PTGFRN: variants seen among roughly 807,000 people sequenced by gnomAD.
PTGFRN encodes the protein prostaglandin F2 receptor negative regulator.
A neutral mutation model predicts 83.2 loss-of-function variants in PTGFRN; 35 were observed. That is an observed-to-expected ratio of 0.42 (90% CI 0.32 to 0.56). The LOEUF is 0.56. PTGFRN is among the 20% of genes least tolerant of loss of function. The pLI is 0.11. For missense variants in PTGFRN, 1,051 were observed against 1,179.5 expected, an observed-to-expected ratio of 0.89 and a Z score of 1.60; for synonymous variants, 519 against 498.6, an observed-to-expected ratio of 1.04 and a Z score of -0.55.
chr1:116,985,143 C>A (rs1027281976), intron 8 of PTGFRN, among the ~76,000 whole-genome samples, 158 bp downstream of exon 8: 2 of 152,238 alleles, frequency 1.3e-5, no homozygotes, highest in African/African-American at 4.8e-5. Flanking sequence ...AGAAGGGCAC[C>A]AGCAGCCCTT....
intron 7 of PTGFRN, among the ~76,000 whole-genome samples, chr1:116,981,172 A>G (rs1651308222): frequency 1.3e-5 from 2 of 152,102 alleles, no homozygotes; most frequent in African/African-American, 4.8e-5. Flanking sequence ...TTTGACCCTT[A>G]AGACTTGAAA....
At chr1:116,977,855 A>G (rs1433591540) in intron 7 of PTGFRN, among the ~76,000 whole-genome samples, 1 of 152,272 alleles carries the variant, frequency 6.6e-6, no homozygotes, top group African/African-American at 2.4e-5. Flanking sequence ...AGCAGAAGGC[A>G]AGAAATAACT....
chr1:116,948,625 A>C (rs527664907), intron 3 of PTGFRN, among the ~76,000 whole-genome samples: 1 of 152,300 alleles, frequency 6.6e-6, no homozygotes, highest in Non-Finnish European at 1.5e-5. Context: ...CTTATTGCCT[A>C]GCCCCCAGCT....
chr1:116,954,502 T>G (rs999331199), intron 4 of PTGFRN, among the ~76,000 whole-genome samples: 1 of 152,256 alleles, frequency 6.6e-6, no homozygotes, highest in African/African-American at 2.4e-5. Flanking sequence ...TTCTAACTGG[T>G]GCATGCAGCC....
intron 2 of PTGFRN, among the ~76,000 whole-genome samples, chr1:116,943,313 A>G (rs769461987): frequency 2.0e-5 from 3 of 152,200 alleles, no homozygotes; most frequent in African/African-American, 2.4e-5. Flanking sequence ...CTTGTATTGG[A>G]GCTAAATATT....
At chr1:116,969,802 G>A (rs1650940415) in intron 6 of PTGFRN, among the ~76,000 whole-genome samples, 1 of 152,038 alleles carries the variant, frequency 6.6e-6, no homozygotes, top group African/African-American at 2.4e-5. Flanking sequence ...TACAGATCTT[G>A]TTTCTTTTGT....
At chr1:116,986,499 T>G (rs1303257022) in intron 8 of PTGFRN, among the ~76,000 whole-genome samples, 1 of 152,208 alleles carries the variant, frequency 6.6e-6, no homozygotes, top group African/African-American at 2.4e-5. Flanking sequence ...ATACTGACTT[T>G]TAAAAATCAA....
At position 116,961,293 on chromosome 1, in the gene PTGFRN, G is replaced by A. The variant is rs779225951; in HGVS notation, c.1264G>A (p.Asp422Asn). The A allele has an allele frequency of 6.5e-7, 1 of 1,538,914 alleles. No homozygotes were observed. The highest frequency in any genetic ancestry group is 1.3e-5 in the South Asian group (1 of 77,700). ...TGCTTCCAAGGTCCCCGGGTTTGCGGATGACCCCACAGAGCTGGCATGCCG... is the reference window on the plus strand; with the variant it reads ...TGCTTCCAAGGTCCCCGGGTTTGCGAATGACCCCACAGAGCTGGCATGCCG... ...LNASKVPGFADDPTELACRVV... is the reference protein window; with the variant it reads ...LNASKVPGFANDPTELACRVV... Residue 422 changes from aspartate (D) to asparagine (N), a missense_variant, in exon 5 of 9, where the codon GAT becomes AAT. Coordinates refer to ENST00000393203, the MANE Select transcript of PTGFRN (RefSeq NM_020440.4). The surrounding 1 kb of genome is among the most constrained non-coding windows in gnomAD (Gnocchi z 5.4).
At chr1:116,968,578 A>G (rs1374877072) in intron 6 of PTGFRN, among the ~76,000 whole-genome samples, 3 of 152,124 alleles carry the variant, frequency 2.0e-5, no homozygotes, top group African/African-American at 4.8e-5. Context: ...AAAATTTACT[A>G]TATATAGAGT....
At position 116,984,847 on chromosome 1, in the gene PTGFRN, C is replaced by T. The variant is rs750617676; in HGVS notation, c.2335C>T (p.Gln779Ter). The T allele has an allele frequency of 6.2e-7, 1 of 1,614,108 alleles. No individual in the cohort carries two copies. The highest frequency in any genetic ancestry group is 1.1e-5 in the South Asian group (1 of 91,082). The change falls in exon 8 of 9, where the codon CAA becomes TAA. Residue 779 changes from glutamine (Q) to a stop codon, truncating the protein, a stop_gained. Coordinates refer to ENST00000393203, the MANE Select transcript of PTGFRN (RefSeq NM_020440.4). LOFTEE classifies it high-confidence loss of function. ...ERVSVLEFLLQVHGSEDQDFG... is the reference protein window; with the variant it reads ...ERVSVLEFLL Reference sequence around the variant, plus strand: ...CGTGAGTGTGCTGGAATTCTTGCTGCAAGTGCATGGCTCCGAGGACCAGGA... The same window carrying T: ...CGTGAGTGTGCTGGAATTCTTGCTGTAAGTGCATGGCTCCGAGGACCAGGA...
intron 6 of PTGFRN, among the ~76,000 whole-genome samples, chr1:116,974,003 TG>T (rs1440789922): frequency 6.6e-6 from 1 of 152,214 alleles, no homozygotes; most frequent in Non-Finnish European, 1.5e-5. Context: ...AGTTCTATTT[TG>T]GTTGTAATCT....
chr1:116,924,357 G>A (rs1300286216), intron 1 of PTGFRN, among the ~76,000 whole-genome samples: 1 of 151,830 alleles, frequency 6.6e-6, no homozygotes, highest in African/African-American at 2.4e-5. Flanking sequence ...ATCTTGGCCA[G>A]GCTGGTCTTG....
At chr1:116,913,908 G>A (rs1649336686) in intron 1 of PTGFRN, among the ~76,000 whole-genome samples, 1 of 152,114 alleles carries the variant, frequency 6.6e-6, no homozygotes, top group African/African-American at 2.4e-5. Flanking sequence ...TTCTCTTTAT[G>A]TCTTTATTTT....
chr1:116,942,660 G>C (rs1650092113), intron 2 of PTGFRN, among the ~76,000 whole-genome samples: 1 of 152,200 alleles, frequency 6.6e-6, no homozygotes, highest in Non-Finnish European at 1.5e-5. Context: ...CATGATTTAA[G>C]TACTTGTTTG....
intron 1 of PTGFRN, among the ~76,000 whole-genome samples, chr1:116,919,002 G>A (rs764162314): frequency 3.3e-5 from 5 of 152,220 alleles, no homozygotes; most frequent in Non-Finnish European, 7.3e-5. Flanking sequence ...ATTCTGAGGT[G>A]CAAGGGAATG....
chr1:116,934,153 TG>T (rs1313476898), intron 1 of PTGFRN, among the ~76,000 whole-genome samples: 1 of 152,158 alleles, frequency 6.6e-6, no homozygotes, highest in Non-Finnish European at 1.5e-5. Context: ...GTGATTGTTT[TG>T]TTTTTTTTTG....
rs550219557 is a variant in PTGFRN at position 116,949,480 on chromosome 1, A to T, written c.1121A>T (p.His374Leu). The T allele has an allele frequency of 9.9e-6, 16 of 1,614,248 alleles. No homozygotes were observed. In the East Asian group the frequency reaches 3.1e-4, roughly 31 times the overall value. ...SKENSGYYYCHVSLWAPGHNR... is the reference protein window; with the variant it reads ...SKENSGYYYCLVSLWAPGHNR... ...GAAAACTCTGGCTACTATTACTGCC[A>T]CGTGTCCCTGTGGGCACCCGGACAC... Residue 374 changes from histidine to leucine, a missense_variant, in exon 4 of 9, where the codon CAC becomes CTC. Physicochemically the swap from His to Leu is moderately conservative, Grantham distance 99 (BLOSUM62 -3). This residue lies in a region of PTGFRN where 719 missense variants were observed against 836.6 expected (regional missense o/e 0.86). Coordinates refer to ENST00000393203, the MANE Select transcript of PTGFRN (RefSeq NM_020440.4).
intron 7 of PTGFRN, among the ~76,000 whole-genome samples, chr1:116,984,237 G>A (rs1339394410): frequency 6.6e-6 from 1 of 151,880 alleles, no homozygotes; most frequent in Non-Finnish European, 1.5e-5. Context: ...TCCAGTCTTG[G>A]GTTCTTCTGC....
chr1:116,933,369 T>G (rs2101058544), intron 1 of PTGFRN, among the ~76,000 whole-genome samples: 1 of 152,316 alleles, frequency 6.6e-6, no homozygotes, highest in Non-Finnish European at 1.5e-5. Flanking sequence ...TGAAAGACCT[T>G]ACAACATTTA....
Sources: allele counts gnomAD v4.1 joint callset (sites outside exome capture counted in the v4.1 genomes callset), GRCh38; gene constraint gnomAD v4.1.1; regional missense constraint gnomAD v4.1.1; non-coding constraint Gnocchi (gnomAD v3.1); transcripts MANE v1.5; gene names NCBI Gene and HGNC (gene_info 2026-07-23, HGNC 2026-07-21).